The following PCDH15 variants were observed in gnomAD, a reference collection of about 807,000 sequenced individuals.
The protein encoded by PCDH15 is protocadherin-15.
Under a neutral mutation model 178.5 loss-of-function variants are expected in PCDH15, and 129 were observed. The observed-to-expected ratio is 0.72, with a 90% confidence interval of 0.63 to 0.84. PCDH15 has a LOEUF of 0.84. Ranked by LOEUF, PCDH15 falls within the 40% of genes least tolerant of loss-of-function variation. The probability of loss-of-function intolerance (pLI) is 0.00; values close to 1 mark genes in which losing one functional copy is unlikely to be tolerated. For synonymous variants in PCDH15, 800 were observed against 732.0 expected (o/e 1.09, Z -1.50); for missense variants, 2,230 against 2,099.9 (o/e 1.06, Z -1.21).
At chr10:55,303,510 G>C (rs1843343839) in intron 1 of PCDH15, among the ~76,000 whole-genome samples, 1 of 152,106 alleles carries the variant, frequency 6.6e-6, no homozygotes, top group South Asian at 2.1e-4. Context: ...TCTCTTATTT[G>C]CCTGTTGACT....
intron 35 of PCDH15, among the ~76,000 whole-genome samples, chr10:53,813,298 G>C (rs1161117094): frequency 6.6e-6 from 1 of 152,012 alleles, no homozygotes; most frequent in Non-Finnish European, 1.5e-5. Flanking sequence ...TACTACCCTA[G>C]ATCCTGTAGG....
chr10:54,812,001 C>G (rs1269674028), intron 3 of PCDH15, among the ~76,000 whole-genome samples: 1 of 152,084 alleles, frequency 6.6e-6, no homozygotes. Flanking sequence ...TCTAAGAAAT[C>G]TTAACTGTAA....
intron 1 of PCDH15, among the ~76,000 whole-genome samples, chr10:54,737,421 A>C (rs2132744279): frequency 6.6e-6 from 1 of 152,256 alleles, no homozygotes; most frequent in Non-Finnish European, 1.5e-5. Flanking sequence ...AGAATGTATA[A>C]TGGAAAGGTA....
chr10:54,462,309 TATATAA>T (rs202173291), intron 3 of PCDH15, among the ~76,000 whole-genome samples: 4 of 137,672 alleles, frequency 2.9e-5, no homozygotes, highest in East Asian at 2.3e-4. Context: ...CATATATATA[TATATAA>T]AATGAAATCC....
chr10:54,302,486 C>G (rs981763590), intron 8 of PCDH15, among the ~76,000 whole-genome samples: 2 of 152,046 alleles, frequency 1.3e-5, no homozygotes, highest in East Asian at 3.9e-4. Context: ...ACAATAGTTC[C>G]CTTAATAAAT....
intron 3 of PCDH15, among the ~76,000 whole-genome samples, chr10:54,431,826 G>A (rs370346222): frequency 6.6e-6 from 1 of 152,188 alleles, no homozygotes. Context: ...ATCCTTGATT[G>A]TAGATGTTAT....
chr10:54,142,402 A>T (rs2043494343), intron 14 of PCDH15, among the ~76,000 whole-genome samples: 3 of 152,104 alleles, frequency 2.0e-5, no homozygotes. Context: ...ATCAAAATGA[A>T]CTGCTTTCAT....
At chr10:54,447,702 A>C (rs2076229930) in intron 3 of PCDH15, among the ~76,000 whole-genome samples, 1 of 151,726 alleles carries the variant, frequency 6.6e-6, no homozygotes, top group African/African-American at 2.4e-5. Flanking sequence ...AGCCTAAGAA[A>C]TAGGTTTGGA....
At chr10:54,937,282 T>G (rs1374921568) in intron 2 of PCDH15, among the ~76,000 whole-genome samples, 1 of 151,982 alleles carries the variant, frequency 6.6e-6, no homozygotes, top group East Asian at 1.9e-4. Context: ...AAGGTTGTTT[T>G]GGAAATTCTG....
intron 5 of PCDH15, among the ~76,000 whole-genome samples, chr10:54,349,350 A>G (rs949277962): frequency 7.9e-5 from 12 of 152,318 alleles, no homozygotes; most frequent in Middle Eastern, 3.4e-3. Context: ...TCAAGATTAA[A>G]TTTCTGGAAT....
intron 2 of PCDH15, among the ~76,000 whole-genome samples, chr10:55,156,587 T>C (rs11004759): frequency 0.54 from 82,112 of 151,984 alleles, 23,961 homozygotes; most frequent in South Asian, 0.65. Flanking sequence ...TAAATATACC[T>C]ACGTGCACAT....
intron 15 of PCDH15, among the ~76,000 whole-genome samples, chr10:54,103,452 C>A (rs1389174124): frequency 6.6e-6 from 1 of 152,210 alleles, no homozygotes; most frequent in Non-Finnish European, 1.5e-5. Flanking sequence ...AGTTGAGTGA[C>A]TGTGGTTCAC....
At chr10:54,664,125 A>T in intron 2 of PCDH15, 47 bp downstream of exon 2, 1 of 1,376,082 alleles carries the variant, frequency 7.3e-7, no homozygotes, top group Non-Finnish European at 1.0e-6. Flanking sequence ...CAATGTAATA[A>T]TAAAAATCCT....
chr10:55,503,602 C>T lies in PCDH15; in HGVS notation c.-156+124023G>A, dbSNP rs569228606. ...TATTGGTAATATTGTGAGAATAAAA[C>T]ATCATTTATATGAGTATTAGAAATA... On this transcript the variant is annotated intron_variant, in intron 2 of 5. Coordinates refer to the PCDH15 transcript ENST00000613346. Among the ~76,000 whole-genome samples the T allele has an allele frequency of 1.2e-3, 188 of 151,210 alleles. 2 individuals carry two copies. The highest frequency in any genetic ancestry group is 4.3e-3 in the African/African-American group (178 of 41,376).
intron 2 of PCDH15, among the ~76,000 whole-genome samples, chr10:54,583,394 C>T (rs964219029): frequency 5.3e-5 from 8 of 151,926 alleles, no homozygotes; most frequent in Non-Finnish European, 1.0e-4. Flanking sequence ...AAGTGGAGGG[C>T]TGGTTTATGT....
intron 3 of PCDH15, among the ~76,000 whole-genome samples, chr10:54,872,313 G>T (rs1015899625): frequency 2.6e-5 from 4 of 151,874 alleles, no homozygotes; most frequent in Non-Finnish European, 5.9e-5. Flanking sequence ...ATTTATCTCA[G>T]AAAATACTAG....
intron 1 of PCDH15, among the ~76,000 whole-genome samples, chr10:55,263,529 A>T (rs370504159): frequency 6.6e-6 from 1 of 151,884 alleles, no homozygotes; most frequent in East Asian, 2.0e-4. Flanking sequence ...AGCAGCCACG[A>T]GGGGGAGAGG....
intron 2 of PCDH15, among the ~76,000 whole-genome samples, chr10:55,443,213 C>G (rs964086562): frequency 1.3e-5 from 2 of 152,082 alleles, no homozygotes; most frequent in Non-Finnish European, 2.9e-5. Context: ...CAATACCATT[C>G]AAGACATAGG....
chr10:54,790,460 T>A (rs1034359604), intron 1 of PCDH15, among the ~76,000 whole-genome samples: 1 of 151,916 alleles, frequency 6.6e-6, no homozygotes, highest in East Asian at 1.9e-4. Context: ...TGTGACTGAG[T>A]TCTAGACAAA....
Sources: allele counts gnomAD v4.1 joint callset (sites outside exome capture counted in the v4.1 genomes callset), GRCh38; gene constraint gnomAD v4.1.1; transcripts MANE v1.5; gene names NCBI Gene and HGNC (gene_info 2026-07-23, HGNC 2026-07-21).